The following ATRNL1 variants were observed in gnomAD, a reference collection of about 807,000 sequenced individuals.
The protein encoded by ATRNL1 is attractin like 1, also known as attractin-like protein 1.
ATRNL1 carries 95 observed loss-of-function variants against 182.7 expected under a neutral mutation model. The observed-to-expected ratio is 0.52, with a 90% confidence interval of 0.44 to 0.62. ATRNL1 has a LOEUF of 0.62. Among genes scored for constraint, ATRNL1 ranks in the 20% least tolerant of loss-of-function variants. ATRNL1 has a pLI of 0.00. For synonymous variants in ATRNL1, 576 were observed against 568.3 expected (o/e 1.01, Z -0.19); for missense variants, 1,471 against 1,679.5 (o/e 0.88, Z 2.17).
At chr10:115,812,689 G>T (rs1256839172) in intron 27 of ATRNL1, among the ~76,000 whole-genome samples, 5 of 151,896 alleles carry the variant, frequency 3.3e-5, no homozygotes, top group African/African-American at 9.7e-5. Context: ...TGCTAGCCAG[G>T]CTGCCTCAAA....
intron 28 of ATRNL1, among the ~76,000 whole-genome samples, chr10:115,912,903 G>A (rs1952726422): frequency 1.3e-5 from 2 of 152,140 alleles, no homozygotes; most frequent in Non-Finnish European, 2.9e-5. Context: ...AGACCTGGCT[G>A]CCACCACTTA....
chr10:115,688,605 T>G (rs1357022976), intron 26 of ATRNL1, among the ~76,000 whole-genome samples: 4 of 152,202 alleles, frequency 2.6e-5, no homozygotes, highest in Non-Finnish European at 5.9e-5. Context: ...TGGCCATCTT[T>G]ATGTCTTCTT....
At chr10:115,195,848 T>C (rs1848339622) in intron 8 of ATRNL1, among the ~76,000 whole-genome samples, 1 of 152,094 alleles carries the variant, frequency 6.6e-6, no homozygotes, top group African/African-American at 2.4e-5. Flanking sequence ...TCTGTACTTT[T>C]TGTATTCTAT....
At chr10:115,891,356 T>C in intron 28 of ATRNL1, among the ~76,000 whole-genome samples, 1 of 152,296 alleles carries the variant, frequency 6.6e-6, no homozygotes, top group East Asian at 1.9e-4. Context: ...GTGAACTTCA[T>C]CCAAGAACAG....
At chr10:115,330,184 A>G (rs962336907) in intron 18 of ATRNL1, among the ~76,000 whole-genome samples, 3 of 152,160 alleles carry the variant, frequency 2.0e-5, no homozygotes, top group East Asian at 1.9e-4. Flanking sequence ...ACTCTTCTAC[A>G]TTTTGCATTT....
intron 1 of ATRNL1, 85 bp downstream of exon 1, chr10:115,094,128 C>T (rs2084950102): frequency 3.5e-5 from 43 of 1,240,614 alleles, no homozygotes; most frequent in Non-Finnish European, 4.3e-5. Context: ...GCCTCCCCCG[C>T]CCCCGTCGCT....
intron 9 of ATRNL1, among the ~76,000 whole-genome samples, chr10:115,235,035 T>C (rs1554901054): frequency 6.6e-6 from 1 of 152,152 alleles, no homozygotes; most frequent in African/African-American, 2.4e-5. Flanking sequence ...CATGCAAACA[T>C]TTAGTTGTCA....
At chr10:115,434,383 A>G (rs1846305995) in intron 21 of ATRNL1, among the ~76,000 whole-genome samples, 2 of 152,158 alleles carry the variant, frequency 1.3e-5, no homozygotes, top group Non-Finnish European at 2.9e-5. Context: ...TGGGAAGGGT[A>G]TGCTTATTAT....
At chr10:115,320,491 C>T (rs1675539540) in intron 18 of ATRNL1, among the ~76,000 whole-genome samples, 3 of 152,102 alleles carry the variant, frequency 2.0e-5, no homozygotes, top group Admixed American at 2.0e-4. Context: ...GTGTATTTTC[C>T]AGCTTGTTTT....
chr10:115,156,083 G>A (rs1170484069), intron 5 of ATRNL1, among the ~76,000 whole-genome samples: 1 of 152,108 alleles, frequency 6.6e-6, no homozygotes, highest in Admixed American at 6.6e-5. Context: ...ATTGTAGGGA[G>A]GTTTGAATTA....
chr10:115,822,311 C>T (rs1339928674), intron 27 of ATRNL1, among the ~76,000 whole-genome samples: 1 of 152,078 alleles, frequency 6.6e-6, no homozygotes, highest in Non-Finnish European at 1.5e-5. Flanking sequence ...GCACTAAATG[C>T]CCACAGGAGA....
chr10:115,401,684 A>T (rs140279685), intron 20 of ATRNL1, among the ~76,000 whole-genome samples: 200 of 152,266 alleles, frequency 1.3e-3, no homozygotes, highest in African/African-American at 4.5e-3. Flanking sequence ...ATGTAAAAAG[A>T]CTGTAGAGAC....
At chr10:115,910,817 A>G (rs974486557) in intron 28 of ATRNL1, among the ~76,000 whole-genome samples, 1 of 152,164 alleles carries the variant, frequency 6.6e-6, no homozygotes, top group Non-Finnish European at 1.5e-5. Context: ...GAAAAATCCT[A>G]ACTTCTCATC....
intron 10 of ATRNL1, among the ~76,000 whole-genome samples, chr10:115,258,779 G>C (rs918147238): frequency 6.6e-6 from 1 of 152,088 alleles, no homozygotes. Flanking sequence ...TTTGATTTTG[G>C]TGACCTACAG....
chr10:115,257,306 G>T (rs529572181), intron 10 of ATRNL1, among the ~76,000 whole-genome samples: 1 of 152,286 alleles, frequency 6.6e-6, no homozygotes, highest in East Asian at 1.9e-4. Flanking sequence ...ATCAGTCTGG[G>T]TGCTCCTGTA....
At chr10:115,727,983 A>G (rs1471948641) in intron 27 of ATRNL1, among the ~76,000 whole-genome samples, 1 of 151,842 alleles carries the variant, frequency 6.6e-6, no homozygotes, top group Non-Finnish European at 1.5e-5. Context: ...ATCCCTAAAG[A>G]TGCAAAATTC....
rs111972458 is a variant in ATRNL1 at position 115,703,410 on chromosome 10, C to G, written c.3796-23838C>G. Among the ~76,000 whole-genome samples, 496 of 151,842 alleles carry G rather than the reference C, an allele frequency of 3.3e-3. 2 individuals carry two copies. Among genetic ancestry groups the G allele is most frequent in the African/African-American group, 0.011 (461 of 41,510 alleles). On this transcript the variant is annotated intron_variant, in intron 26 of 28. Coordinates refer to ENST00000355044, the MANE Select transcript of ATRNL1 (RefSeq NM_207303.4). ...GCAACAAAAACAAAAATTGACAAGT[C>G]AGATCTAATTAAACTAAAGAGCTTC...
At chr10:115,550,014 C>T (rs1333336085) in intron 26 of ATRNL1, among the ~76,000 whole-genome samples, 1 of 151,888 alleles carries the variant, frequency 6.6e-6, no homozygotes, top group Non-Finnish European at 1.5e-5. Flanking sequence ...TAATCCAACT[C>T]TGTTTAAAGA....
At chr10:115,307,010 T>G (rs1554926405) in intron 17 of ATRNL1, among the ~76,000 whole-genome samples, 1 of 152,200 alleles carries the variant, frequency 6.6e-6, no homozygotes, top group East Asian at 1.9e-4. Context: ...AGTCAGGTCT[T>G]CAGGTCTGCC....
Sources: gnomAD v4.1 joint callset for allele counts (sites outside exome capture counted in the v4.1 genomes callset) on GRCh38, gnomAD v4.1.1 for gene constraint, MANE v1.5 for transcripts, NCBI Gene and HGNC (gene_info 2026-07-23, HGNC 2026-07-21) for gene names.